Variants in CAMK1D observed in about 807,000 individuals in gnomAD.
CAMK1D encodes calcium/calmodulin-dependent protein kinase type 1D.
Under a neutral mutation model 47.7 loss-of-function variants are expected in CAMK1D, and 9 were observed. The ratio of observed to expected loss-of-function variants is 0.19; its 90% CI spans 0.11 to 0.33. The LOEUF (loss-of-function observed/expected upper bound fraction) is 0.33. Among genes scored for constraint, CAMK1D ranks in the 10% least tolerant of loss-of-function variants. CAMK1D has a pLI of 1.00. For synonymous variants in CAMK1D, 184 were observed against 184.9 expected (o/e 0.99, Z 0.04); for missense variants, 291 against 488.7 (o/e 0.60, Z 3.81).
chr10:12,716,199 C>T (rs1197014875), intron 3 of CAMK1D, among the ~76,000 whole-genome samples: 2 of 152,148 alleles, frequency 1.3e-5, no homozygotes, highest in Non-Finnish European at 2.9e-5. Flanking sequence ...AGACCAGGGA[C>T]TCTCAGCCTT....
intron 6 of CAMK1D, among the ~76,000 whole-genome samples, chr10:12,805,057 G>A (rs879683543): frequency 4.6e-4 from 70 of 151,134 alleles, no homozygotes; most frequent in African/African-American, 1.6e-3. Flanking sequence ...TCAGAAGATC[G>A]AGACCATCCT....
At chr10:12,616,519 T>C (rs1457562228) in intron 2 of CAMK1D, among the ~76,000 whole-genome samples, 3 of 152,100 alleles carry the variant, frequency 2.0e-5, no homozygotes, top group Non-Finnish European at 4.4e-5. Context: ...TTTGTTGTTG[T>C]TGTTGTTGTT....
intron 4 of CAMK1D, among the ~76,000 whole-genome samples, chr10:12,762,078 G>A (rs1343751339): frequency 6.6e-6 from 1 of 152,176 alleles, no homozygotes; most frequent in Non-Finnish European, 1.5e-5. Flanking sequence ...CTGAAGGGTG[G>A]ATGTCACACA....
At chr10:12,688,836 A>T (rs866960787) in intron 3 of CAMK1D, among the ~76,000 whole-genome samples, 8 of 152,224 alleles carry the variant, frequency 5.3e-5, no homozygotes, top group South Asian at 4.2e-4. Flanking sequence ...GGTGCCCTCC[A>T]CCATGCCCGA....
In CAMK1D at chr10:12,526,516, G is replaced by A. The variant is rs576929729; in HGVS notation, c.93-26709G>A. On this transcript the variant is annotated intron_variant, in intron 1 of 10. Coordinates refer to ENST00000619168, the MANE Select transcript of CAMK1D (RefSeq NM_153498.4). ...TTCCCAGGTGTCTTGTCAGAAGATGGATGTGTCTCAGAGCTTTACCCTCCC... is the reference window on the plus strand; with the variant it reads ...TTCCCAGGTGTCTTGTCAGAAGATGAATGTGTCTCAGAGCTTTACCCTCCC... 3.3e-5 allele frequency among the ~76,000 whole-genome samples: 5 copies of A among 152,174 alleles called. No homozygotes were observed. The East Asian group carries it at 9.7e-4, about 29-fold the overall frequency.
At chr10:12,806,931 A>C (rs1338454088) in intron 6 of CAMK1D, among the ~76,000 whole-genome samples, 2 of 152,150 alleles carry the variant, frequency 1.3e-5, no homozygotes, top group African/African-American at 4.8e-5. Context: ...TGGTCACTCA[A>C]AGTCACATCT....
intron 2 of CAMK1D, among the ~76,000 whole-genome samples, chr10:12,572,040 C>CG (rs370678066): frequency 1.6e-3 from 54 of 33,822 alleles, no homozygotes; most frequent in African/African-American, 0.014. Flanking sequence ...AAAAACTAAA[C>CG]CCCCCCCCAA....
At chr10:12,377,906 TAAG>T (rs1442450217) in intron 1 of CAMK1D, among the ~76,000 whole-genome samples, 3 of 152,258 alleles carry the variant, frequency 2.0e-5, no homozygotes, top group East Asian at 3.8e-4. Flanking sequence ...TTCATAGCAA[TAAG>T]AAGAAGTTTA....
At chr10:12,824,365 G>A in intron 8 of CAMK1D, 100 bp from the exon 9 acceptor site, 1 of 1,016,792 alleles carries the variant, frequency 9.8e-7, no homozygotes, top group Non-Finnish European at 1.5e-6. Flanking sequence ...CCACGACTGA[G>A]CCTCGGCTCT....
chr10:12,470,520 CTTT>C (rs11422931), intron 1 of CAMK1D, among the ~76,000 whole-genome samples: 2 of 149,024 alleles, frequency 1.3e-5, no homozygotes, highest in Non-Finnish European at 1.5e-5. Flanking sequence ...TTTTCTTCTT[CTTT>C]TTTTTTTCTT....
intron 1 of CAMK1D, among the ~76,000 whole-genome samples, chr10:12,385,909 G>A (rs937783399): frequency 6.6e-6 from 1 of 152,066 alleles, no homozygotes; most frequent in Admixed American, 6.6e-5. Flanking sequence ...ACCGCGCCTG[G>A]CTATTTTTGT....
At chr10:12,405,701 T>A (rs918623391) in intron 1 of CAMK1D, among the ~76,000 whole-genome samples, 1 of 152,230 alleles carries the variant, frequency 6.6e-6, no homozygotes, top group African/African-American at 2.4e-5. Flanking sequence ...GGAGCCAGTA[T>A]CTATGAGACA....
intron 2 of CAMK1D, among the ~76,000 whole-genome samples, chr10:12,595,621 C>A (rs749206770): frequency 6.6e-6 from 1 of 152,078 alleles, no homozygotes; most frequent in Non-Finnish European, 1.5e-5. Context: ...CTGGGCCATG[C>A]GTCTTCTGTC....
intron 2 of CAMK1D, among the ~76,000 whole-genome samples, chr10:12,636,034 G>A (rs1588716078): frequency 6.6e-6 from 1 of 152,074 alleles, no homozygotes; most frequent in East Asian, 1.9e-4. Flanking sequence ...TTTTTCTTTT[G>A]TATTGTGGCA....
rs758978995 is a variant in CAMK1D at position 12,791,250 on chromosome 10, G to T, written c.641+17G>T. 25 of 1,610,456 alleles carry T rather than the reference G, an allele frequency of 1.6e-5. No homozygotes were observed. The highest frequency in any genetic ancestry group is 2.1e-5 in the Non-Finnish European group (25 of 1,178,084). ...CTACATCTTGTAAGTACTGCCTGCT[G>T]CCTTGGGTTCTTCCTCTACCGGCCT... On this transcript the variant is annotated intron_variant, in intron 6 of 10. Coordinates refer to ENST00000619168, the MANE Select transcript of CAMK1D (RefSeq NM_153498.4).
intron 3 of CAMK1D, among the ~76,000 whole-genome samples, chr10:12,707,063 G>A (rs45479699): frequency 0.019 from 2,822 of 152,278 alleles, 34 homozygotes; most frequent in Middle Eastern, 0.041. Context: ...ACATAAAAGA[G>A]TTTTCCAGCT....
At chr10:12,637,875 G>C (rs1839553982) in intron 2 of CAMK1D, among the ~76,000 whole-genome samples, 1 of 152,164 alleles carries the variant, frequency 6.6e-6, no homozygotes, top group Non-Finnish European at 1.5e-5. Context: ...GAGAAAGAAA[G>C]CGCTGCAGAG....
intron 2 of CAMK1D, among the ~76,000 whole-genome samples, chr10:12,610,791 T>C (rs1838595531): frequency 1.3e-5 from 2 of 152,244 alleles, no homozygotes; most frequent in Admixed American, 1.3e-4. Context: ...TGAAAATGCA[T>C]ATGCTTTCCA....
chr10:12,790,574 A>T (rs4750263), intron 5 of CAMK1D, among the ~76,000 whole-genome samples: 66,743 of 151,942 alleles, frequency 0.44, 14,821 homozygotes, highest in East Asian at 0.62. Context: ...GTTGACTGAC[A>T]GAGTTCCATC....
Sources: gnomAD v4.1 joint callset for allele counts (sites outside exome capture counted in the v4.1 genomes callset) on GRCh38, gnomAD v4.1.1 for gene constraint, MANE v1.5 for transcripts, NCBI Gene and HGNC (gene_info 2026-07-23, HGNC 2026-07-21) for gene names.